Variants in TMEM161A observed in about 807,000 individuals in gnomAD.
TMEM161A encodes the protein transmembrane protein 161A, also known as adaptive response to oxidative stress protein 29.
In TMEM161A, 46 loss-of-function variants were observed where a neutral mutation model predicts 57.1. The ratio of observed to expected loss-of-function variants is 0.81; its 90% CI spans 0.64 to 1.03. The LOEUF (loss-of-function observed/expected upper bound fraction) is 1.03. Among genes scored for constraint, TMEM161A ranks in the 50% least tolerant of loss-of-function variants. TMEM161A has a pLI of 0.00. For missense variants in TMEM161A, 601 were observed against 621.5 expected (o/e 0.97, Z 0.35); for synonymous variants, 288 against 279.0 (o/e 1.03, Z -0.32).
Position 19,131,710 on chromosome 19 carries a change from G to C in TMEM161A, c.443+642C>G, listed in dbSNP as rs532345042. ...CCGGCTAATTTTTGTACTTTTAGTA[G>C]AGAAGGGGTTTCTCAATGTTGGTCA... is the stretch of plus-strand genomic sequence containing the variant. On this transcript the variant is annotated intron_variant, in intron 5 of 11. Transcript: ENST00000162044. Among the ~76,000 whole-genome samples the C allele has an allele frequency of 1.5e-3, 233 of 152,272 alleles. 1 individual carries two copies. Among genetic ancestry groups the C allele is most frequent in the African/African-American group, 5.4e-3 (225 of 41,562 alleles).
Position 19,130,267 on chromosome 19 carries a change from C to T in TMEM161A, c.484G>A (p.Glu162Lys), listed in dbSNP as rs145831295. Residue 162 changes from glutamate (E) to lysine (K), a missense_variant, in exon 6 of 12, where the codon GAG becomes AAG. Transcript: ENST00000162044. ...CAGACAGAGCGCTCACCCCCCTCCT[C>T]GGCGCTGAAGTACAGCCGTGTCACT... Reference protein sequence around the residue: ...LTVTRLYFSAEEGGERSVCLT... With the variant: ...LTVTRLYFSAKEGGERSVCLT... 67 of 1,613,768 alleles carry T rather than the reference C, an allele frequency of 4.2e-5. No homozygotes were observed. Among genetic ancestry groups the T allele is most frequent in the East Asian group, 2.0e-4 (9 of 44,872 alleles).
intron 1 of TMEM161A, among the ~76,000 whole-genome samples, chr19:19,137,972 G>A (rs987253466): frequency 4.6e-5 from 7 of 152,082 alleles, no homozygotes; most frequent in African/African-American, 1.7e-4. Flanking sequence ...TCCCCTGCCC[G>A]TTCCACACAC....
chr19:19,128,524 C>T (rs1443737245), intron 6 of TMEM161A, among the ~76,000 whole-genome samples: 1 of 149,156 alleles, frequency 6.7e-6, no homozygotes, highest in African/African-American at 2.5e-5. Context: ...GCCACCACAC[C>T]TGGCCTACAT....
chr19:19,133,553 C>T (rs1202284828), intron 2 of TMEM161A, among the ~76,000 whole-genome samples: 1 of 152,144 alleles, frequency 6.6e-6, no homozygotes, highest in Non-Finnish European at 1.5e-5. Flanking sequence ...CTCACTGCAA[C>T]CTCCACTTCC....
chr19:19,121,627 A>T lies in TMEM161A; in HGVS notation c.698T>A (p.Val233Glu). Reference sequence around the variant, plus strand: ...GAAGGCACCCAGCACAGAGCCCACCACTGCCAGTCCCACGCGGATAGCCAG... The same window carrying T: ...GAAGGCACCCAGCACAGAGCCCACCTCTGCCAGTCCCACGCGGATAGCCAG... ...AKLAIRVGLA[V>E]VGSVLGAFLT... The change falls in exon 8 of 12, where the codon GTG (valine) becomes GAG (glutamate). Residue 233 changes from valine (V) to glutamate (E), a missense_variant. Physicochemically the swap from Val to Glu is moderately radical, Grantham distance 121. Coordinates refer to ENST00000162044, the MANE Select transcript of TMEM161A (RefSeq NM_017814.3). The surrounding 1 kb of genome is among the most constrained non-coding windows in gnomAD (Gnocchi z 5.8). 6.2e-7 allele frequency: 1 copy of T among 1,613,944 alleles called. No individual in the cohort carries two copies. The highest frequency in any genetic ancestry group is 8.5e-7 in the Non-Finnish European group (1 of 1,179,956).
chr19:19,119,810 A>C lies in TMEM161A; in HGVS notation c.*120T>G. ...CGGGTCAGGCACTGTGGTGAAGGGA[A>C]CGCCGGGGAGTCCGGCCCCACCTTG... On this transcript the variant is annotated 3_prime_UTR_variant, in exon 12 of 12. Transcript: ENST00000162044. 7.6e-7 allele frequency: 1 copy of C among 1,312,054 alleles called. No homozygotes were observed. Among genetic ancestry groups the C allele is most frequent in the Non-Finnish European group, 1.0e-6 (1 of 968,288 alleles). 81.3% of individuals were successfully genotyped at this position (1,312,054 alleles called of 1,614,324 possible). A position where few individuals can be genotyped will look rare whatever the true frequency, so the allele number is the denominator to read the frequency against.
chr19:19,138,316 C>T (rs1459950861), intron 1 of TMEM161A, 110 bp downstream of exon 1: 1 of 1,480,052 alleles, frequency 6.8e-7, no homozygotes, highest in African/African-American at 1.4e-5. Context: ...TCCCTCAGAG[C>T]CTCCAATCCC....
chr19:19,119,538 C>G lies in TMEM161A; in HGVS notation c.*392G>C. 1 of 221,864 alleles carries G rather than the reference C, an allele frequency of 4.5e-6. No individual in the cohort carries two copies. The allele number at this position is 221,864 out of a possible 1,614,324, so 13.7% of individuals were successfully genotyped here. On this transcript the variant is annotated 3_prime_UTR_variant, in exon 12 of 12. Transcript: ENST00000162044. The stretch of plus-strand genomic sequence containing the variant: ...TCCCTCCCGCGCAGCCCCCACCCTG[C>G]ACCCGGGCAGGTGCCACAGGGACGT...
At chr19:19,126,091 C>T (rs1052631791) in intron 6 of TMEM161A, among the ~76,000 whole-genome samples, 1 of 151,186 alleles carries the variant, frequency 6.6e-6, no homozygotes, top group Admixed American at 6.6e-5. Context: ...CATAGTGAAA[C>T]CCCATCTCTA....
rs373677662 is a variant in TMEM161A at position 19,123,791 on chromosome 19, G to A, written c.596-1972C>T. Among the ~76,000 whole-genome samples the A allele has an allele frequency of 2.7e-4, 41 of 152,324 alleles. 1 individual carries two copies. In the South Asian group the frequency reaches 7.7e-3, roughly 28 times the overall value. ...GTAGTATTAGAATAGGCCAGGCGCG[G>A]TGGCTCACACCTGTAATCTCAGCAC... On this transcript the variant is annotated intron_variant, in intron 6 of 11. Coordinates refer to ENST00000162044, the MANE Select transcript of TMEM161A (RefSeq NM_017814.3).
In TMEM161A at chr19:19,120,874, A is replaced by G; in HGVS notation, c.1090-13T>C. The G allele has an allele frequency of 6.2e-7, 1 of 1,613,190 alleles. No homozygotes were observed. The highest frequency in any genetic ancestry group is 8.5e-7 in the Non-Finnish European group (1 of 1,179,920). On this transcript the variant is annotated splice_polypyrimidine_tract_variant and intron_variant, in intron 10 of 11. Transcript: ENST00000162044. ...AGACTCGGACCACCTGTGGGCAGGT[A>G]GCAGGGGTGGCTGCAGCAGGAGGCC...
intron 6 of TMEM161A, among the ~76,000 whole-genome samples, chr19:19,127,316 C>CTTTT (rs151128285): frequency 1.4e-5 from 1 of 73,286 alleles, no homozygotes; most frequent in Non-Finnish European, 2.6e-5. Context: ...AGTGTTCAGT[C>CTTTT]TTTTTTTTTT....
Position 19,138,419 on chromosome 19 carries a change from C to G in TMEM161A, c.3+7G>C, listed in dbSNP as rs765887075. 2 of 1,603,592 alleles carry G rather than the reference C, an allele frequency of 1.2e-6. No homozygotes were observed. Among genetic ancestry groups the G allele is most frequent in the South Asian group, 1.1e-5 (1 of 89,126 alleles). On this transcript the variant is annotated splice_region_variant and intron_variant, in intron 1 of 11. Coordinates refer to ENST00000162044, the MANE Select transcript of TMEM161A (RefSeq NM_017814.3). ...AGAACCCCCCACTTCGCGGGACGCT[C>G]GCTCACCATGACGCGTGCGAGAACG...
intron 6 of TMEM161A, among the ~76,000 whole-genome samples, chr19:19,128,743 G>T (rs1484695788): frequency 6.6e-6 from 1 of 151,664 alleles, no homozygotes; most frequent in Non-Finnish European, 1.5e-5. Flanking sequence ...TCTCCATGTT[G>T]ATCAGGCTGG....
chr19:19,135,784 C>T (rs898530999), intron 1 of TMEM161A, among the ~76,000 whole-genome samples: 1 of 152,188 alleles, frequency 6.6e-6, no homozygotes, highest in Non-Finnish European at 1.5e-5. Flanking sequence ...TCCATGTTGC[C>T]AGGCTGGTCT....
At chr19:19,128,022 CA>C (rs993901728) in intron 6 of TMEM161A, among the ~76,000 whole-genome samples, 3 of 152,092 alleles carry the variant, frequency 2.0e-5, no homozygotes, top group African/African-American at 7.2e-5. Flanking sequence ...GAGCACGTCA[CA>C]AAAGGACAAA....
chr19:19,120,675 C>G, intron 11 of TMEM161A, 90 bp downstream of exon 11: 6 of 1,255,390 alleles, frequency 4.8e-6, no homozygotes, highest in Non-Finnish European at 3.4e-6. Flanking sequence ...CGCCTCTCCC[C>G]CCCCACCGCG....
intron 6 of TMEM161A, among the ~76,000 whole-genome samples, chr19:19,125,604 C>T (rs2059927027): frequency 6.6e-6 from 1 of 151,390 alleles, no homozygotes; most frequent in South Asian, 2.1e-4. Context: ...GCAAGCTCCA[C>T]CTCCCGGGTT....
rs542846873 is a variant in TMEM161A at position 19,129,871 on chromosome 19, C to T, written c.595+285G>A. Among the ~76,000 whole-genome samples, 10 of 151,846 alleles carry T rather than the reference C, an allele frequency of 6.6e-5. No homozygotes were observed. In the East Asian group the frequency reaches 1.9e-3, roughly 29 times the overall value. On this transcript the variant is annotated intron_variant, in intron 6 of 11. Transcript: ENST00000162044. Reference sequence around the variant, plus strand: ...AGTGAGCCAAGATCATGCCACTGAACTCCTGCCTGGGTGACAAAAGTGAAA... The same window carrying T: ...AGTGAGCCAAGATCATGCCACTGAATTCCTGCCTGGGTGACAAAAGTGAAA...
Sources: gnomAD v4.1 joint callset for allele counts (sites outside exome capture counted in the v4.1 genomes callset) on GRCh38, gnomAD v4.1.1 for gene constraint, Gnocchi (gnomAD v3.1) non-coding constraint, MANE v1.5 for transcripts, NCBI Gene and HGNC (gene_info 2026-07-23, HGNC 2026-07-21) for gene names.